Variants in CACNA1A observed in about 807,000 individuals in gnomAD.
CACNA1A encodes the protein calcium voltage-gated channel subunit alpha1 A, also known as voltage-dependent P/Q-type calcium channel subunit alpha-1A.
Under a neutral mutation model 262.4 loss-of-function variants are expected in CACNA1A, and 57 were observed. That is an observed-to-expected ratio of 0.22 (90% CI 0.18 to 0.27). The LOEUF (loss-of-function observed/expected upper bound fraction) is 0.27. CACNA1A is among the 10% of genes least tolerant of loss of function. CACNA1A has a pLI of 1.00. For synonymous variants in CACNA1A, 1,431 were observed against 1,419.3 expected (o/e 1.01, Z -0.18); for missense variants, 2,526 against 3,562.8 (o/e 0.71, Z 7.41).
chr19:13,227,371 AG>A, intron 37 of CACNA1A, 59 bp downstream of exon 37: 3 of 736,786 alleles, frequency 4.1e-6, no homozygotes, highest in Admixed American at 4.6e-5. Flanking sequence ...AAAAAAAAGA[AG>A]AAGAAGAAGA....
chr19:13,461,788 AG>A (rs2061128769), intron 1 of CACNA1A, among the ~76,000 whole-genome samples: 1 of 152,220 alleles, frequency 6.6e-6, no homozygotes, highest in Admixed American at 6.5e-5. Flanking sequence ...AGCGGGATCC[AG>A]AAAAATCAGC....
At chr19:13,386,326 T>C (rs1157859232) in intron 3 of CACNA1A, among the ~76,000 whole-genome samples, 1 of 152,194 alleles carries the variant, frequency 6.6e-6, no homozygotes, top group African/African-American at 2.4e-5. Flanking sequence ...CATGACCCAT[T>C]CGTAGGCCTA....
At chr19:13,280,571 A>G (rs1420971485) in intron 22 of CACNA1A, among the ~76,000 whole-genome samples, 1 of 152,082 alleles carries the variant, frequency 6.6e-6, no homozygotes, top group Non-Finnish European at 1.5e-5. Context: ...ACACTTAGAA[A>G]CAACCCAAAC....
chr19:13,209,969 A>G (rs2054744072), intron 44 of CACNA1A, among the ~76,000 whole-genome samples: 1 of 151,740 alleles, frequency 6.6e-6, no homozygotes, highest in Admixed American at 6.6e-5. Context: ...TGGGCTCAGG[A>G]CCAGGTGCCC....
At position 13,214,319 on chromosome 19, in the gene CACNA1A, C is replaced by T. The variant is rs749251058; in HGVS notation, c.5854G>A (p.Val1952Met). Residue 1952 changes from valine (V) to methionine (M), a missense_variant, in exon 40 of 47, where the codon GTG (valine) becomes ATG (methionine). This residue lies in a region of CACNA1A where 112 missense variants were observed against 197.2 expected (regional missense o/e 0.57). Transcript: ENST00000360228. This position sits in a 1 kb window ranked among gnomAD's most constrained non-coding sequence, Gnocchi z 4.1. The part of the protein sequence containing the change: ...VTPHKSTDLT[V>M]GKIYAAMMIM... Reference sequence around the variant, plus strand: ...ATCATGGCTGCGTAGATCTTCCCCACGGTGAGGTCCGTGGCTGGGGGCACA... The same window carrying T: ...ATCATGGCTGCGTAGATCTTCCCCATGGTGAGGTCCGTGGCTGGGGGCACA... 6.2e-6 allele frequency: 10 copies of T among 1,612,622 alleles called. No individual in the cohort carries two copies. Among genetic ancestry groups the T allele is most frequent in the South Asian group, 2.2e-5 (2 of 91,074 alleles).
At chr19:13,432,912 A>T (rs1255678127) in intron 3 of CACNA1A, among the ~76,000 whole-genome samples, 1 of 151,944 alleles carries the variant, frequency 6.6e-6, no homozygotes, top group East Asian at 1.9e-4. Context: ...TAATCCTAGC[A>T]CTTTGGGAGG....
intron 1 of CACNA1A, among the ~76,000 whole-genome samples, chr19:13,482,792 T>C (rs1979489853): frequency 6.6e-6 from 1 of 151,940 alleles, no homozygotes; most frequent in African/African-American, 2.4e-5. Context: ...TTCTGCCAGC[T>C]TCCTGTTAGG....
At chr19:13,431,872 C>T (rs959979435) in intron 3 of CACNA1A, among the ~76,000 whole-genome samples, 18 of 151,686 alleles carry the variant, frequency 1.2e-4, no homozygotes, top group East Asian at 5.8e-4. Flanking sequence ...TTTGGAAGCC[C>T]GAGGCAGGCA....
chr19:13,417,146 A>G (rs559958544), intron 3 of CACNA1A, among the ~76,000 whole-genome samples: 4 of 152,104 alleles, frequency 2.6e-5, no homozygotes, highest in Non-Finnish European at 5.9e-5. Flanking sequence ...GGTGGCAGCC[A>G]CTCGTCCAGG....
At chr19:13,360,903 C>T (rs772143881) in intron 5 of CACNA1A, among the ~76,000 whole-genome samples, 6 of 152,196 alleles carry the variant, frequency 3.9e-5, no homozygotes, top group Non-Finnish European at 4.4e-5. Flanking sequence ...AATTGCATTA[C>T]GGTCAGAAAA....
intron 21 of CACNA1A, 102 bp downstream of exon 21, chr19:13,284,966 C>CAAG (rs1453870940): frequency 1.2e-5 from 14 of 1,123,174 alleles, no homozygotes; most frequent in Non-Finnish European, 1.7e-5. Flanking sequence ...TCCCTGGACT[C>CAAG]ATGGTGGTCA....
chr19:13,393,562 T>TC (rs112610135), intron 3 of CACNA1A, among the ~76,000 whole-genome samples: 2 of 97,120 alleles, frequency 2.1e-5, no homozygotes, highest in South Asian at 4.1e-4. Context: ...GTTCCCTCCC[T>TC]CCCCCCCTTC....
chr19:13,245,099 G>C (rs973246437), intron 31 of CACNA1A, 83 bp downstream of exon 31: 1 of 1,092,644 alleles, frequency 9.2e-7, no homozygotes, highest in African/African-American at 1.5e-5. Flanking sequence ...GGGACACACT[G>C]CCTCTGGGAC....
At chr19:13,349,027 AAG>A (rs1555771361) in intron 6 of CACNA1A, among the ~76,000 whole-genome samples, 1 of 137,740 alleles carries the variant, frequency 7.3e-6, no homozygotes, top group Admixed American at 7.2e-5. Context: ...AAAAAAAAAA[AAG>A]AGAGACAAAG....
chr19:13,257,882 C>T (rs936343618), intron 27 of CACNA1A: 1 of 174,340 alleles, frequency 5.7e-6, no homozygotes, highest in African/African-American at 2.4e-5. Flanking sequence ...GGATTACAGA[C>T]ATGCGCCACC....
At chr19:13,388,380 T>C (rs1013310429) in intron 3 of CACNA1A, among the ~76,000 whole-genome samples, 38 of 150,202 alleles carry the variant, frequency 2.5e-4, no homozygotes, top group African/African-American at 9.1e-4. Context: ...CTCAGCCTCC[T>C]GAGTAGCTGG....
intron 1 of CACNA1A, among the ~76,000 whole-genome samples, chr19:13,491,068 C>T (rs1337222042): frequency 6.6e-6 from 1 of 152,228 alleles, no homozygotes; most frequent in African/African-American, 2.4e-5. Context: ...TGTCCCTTAA[C>T]CATCGTCCCG....
chr19:13,308,255 C>T lies in CACNA1A; in HGVS notation c.1782-4G>A. On this transcript the variant is annotated splice_polypyrimidine_tract_variant and splice_region_variant and intron_variant, in intron 13 of 46. Transcript: ENST00000360228. The surrounding 1 kb of genome is among the most constrained non-coding windows in gnomAD (Gnocchi z 4.2). ...GTTTCTGAGAGATGCCCAGTACCTG[C>T]CGACAGAGGCCAGGCGAGGACTCAG... The T allele has an allele frequency of 6.2e-7, 1 of 1,610,790 alleles. No individual in the cohort carries two copies.
At chr19:13,386,144 T>C (rs2059608719) in intron 3 of CACNA1A, among the ~76,000 whole-genome samples, 1 of 145,782 alleles carries the variant, frequency 6.9e-6, no homozygotes, top group African/African-American at 2.6e-5. Context: ...GAGTGAGACC[T>C]TGTCTCTTAA....
Sources: gnomAD v4.1 joint callset for allele counts (sites outside exome capture counted in the v4.1 genomes callset) on GRCh38, gnomAD v4.1.1 for gene constraint, gnomAD v4.1.1 regional missense constraint, Gnocchi (gnomAD v3.1) non-coding constraint, MANE v1.5 for transcripts, NCBI Gene and HGNC (gene_info 2026-07-23, HGNC 2026-07-21) for gene names.